Variants in KCNN2 observed in about 807,000 individuals in gnomAD.
The protein encoded by KCNN2 is potassium calcium-activated channel subfamily N member 2, also known as small conductance calcium-activated potassium channel protein 2.
KCNN2 carries 24 observed loss-of-function variants against 55.5 expected under a neutral mutation model. That is an observed-to-expected ratio of 0.43 (90% CI 0.31 to 0.61). The LOEUF is 0.61. KCNN2 is among the 20% of genes least tolerant of loss of function. The pLI, the probability that KCNN2 is intolerant of heterozygous loss-of-function variation, is 0.08. For missense variants in KCNN2, 754 were observed against 853.6 expected (o/e 0.88, Z 1.45); for synonymous variants, 431 against 336.1 (o/e 1.28, Z -3.09).
intron 2 of KCNN2, among the ~76,000 whole-genome samples, chr5:114,285,842 G>A (rs1755734184): frequency 6.6e-6 from 1 of 151,624 alleles, no homozygotes; most frequent in African/African-American, 2.4e-5. Context: ...CAGATAAAGA[G>A]AGATATAAAG....
chr5:114,141,284 C>A (rs1752274021), intron 1 of KCNN2, among the ~76,000 whole-genome samples: 1 of 152,078 alleles, frequency 6.6e-6, no homozygotes, highest in Non-Finnish European at 1.5e-5. Flanking sequence ...TCTGTCTCCC[C>A]CAACCCCACG....
intron 1 of KCNN2, among the ~76,000 whole-genome samples, chr5:114,194,140 G>A (rs190193299): frequency 6.6e-6 from 1 of 151,974 alleles, no homozygotes; most frequent in Non-Finnish European, 1.5e-5. Flanking sequence ...ATTATTCATA[G>A]TACAATAATA....
At chr5:114,406,528 C>A (rs1390814696) in intron 3 of KCNN2, among the ~76,000 whole-genome samples, 1 of 151,302 alleles carries the variant, frequency 6.6e-6, no homozygotes, top group Non-Finnish European at 1.5e-5. Context: ...TTTTCCTTTC[C>A]TGCACAATTT....
chr5:114,472,818 A>G (rs368339489), intron 4 of KCNN2, among the ~76,000 whole-genome samples: 2 of 152,214 alleles, frequency 1.3e-5, no homozygotes, highest in Admixed American at 6.6e-5. Context: ...ATTTCTTAGA[A>G]TGGAAATGTT....
intron 1 of KCNN2, among the ~76,000 whole-genome samples, chr5:114,079,218 T>C (rs1214533861): frequency 6.6e-6 from 1 of 152,202 alleles, no homozygotes; most frequent in African/African-American, 2.4e-5. Context: ...AAAGAGACTT[T>C]TAATGATTTT....
At chr5:114,465,808 T>G (rs1217617764) in intron 4 of KCNN2, among the ~76,000 whole-genome samples, 1 of 152,202 alleles carries the variant, frequency 6.6e-6, no homozygotes, top group African/African-American at 2.4e-5. Flanking sequence ...TTAATTGACT[T>G]GATCAAAATT....
At chr5:114,367,723 T>C (rs1424703683) in intron 2 of KCNN2, among the ~76,000 whole-genome samples, 1 of 151,984 alleles carries the variant, frequency 6.6e-6, no homozygotes, top group Non-Finnish European at 1.5e-5. Flanking sequence ...CAAAACGGAG[T>C]TCAACTATCC....
intron 3 of KCNN2, among the ~76,000 whole-genome samples, chr5:114,461,913 A>AT (rs1390156664): frequency 2.6e-5 from 4 of 152,164 alleles, no homozygotes; most frequent in African/African-American, 9.7e-5. Context: ...GTACCGCGCA[A>AT]TTATCAGTAT....
At chr5:114,331,685 G>A (rs1051471370) in intron 2 of KCNN2, among the ~76,000 whole-genome samples, 3 of 152,184 alleles carry the variant, frequency 2.0e-5, no homozygotes, top group African/African-American at 7.2e-5. Context: ...TCATTAACAA[G>A]TGACCAAGTA....
chr5:114,113,584 C>T (rs1462114889), intron 1 of KCNN2, among the ~76,000 whole-genome samples: 1 of 152,018 alleles, frequency 6.6e-6, no homozygotes, highest in East Asian at 1.9e-4. Context: ...AGAAGTAAAG[C>T]TTCAAAGAAG....
chr5:114,332,723 C>T (rs1276010390), intron 2 of KCNN2, among the ~76,000 whole-genome samples: 1 of 152,168 alleles, frequency 6.6e-6, no homozygotes, highest in Non-Finnish European at 1.5e-5. Flanking sequence ...TTATTGGTTA[C>T]AGGGTGAGGA....
At chr5:114,198,293 G>A (rs1753599121) in intron 1 of KCNN2, among the ~76,000 whole-genome samples, 1 of 148,748 alleles carries the variant, frequency 6.7e-6, no homozygotes, top group Non-Finnish European at 1.5e-5. Flanking sequence ...TAAAAATAAT[G>A]GCAAATACTA....
intron 2 of KCNN2, among the ~76,000 whole-genome samples, chr5:114,335,692 G>A (rs1372227642): frequency 6.6e-6 from 1 of 152,202 alleles, no homozygotes; most frequent in East Asian, 1.9e-4. Flanking sequence ...TAGAATGAAT[G>A]CATGTGTAAA....
At chr5:114,153,200 T>G (rs1179739332) in intron 1 of KCNN2, among the ~76,000 whole-genome samples, 1 of 152,212 alleles carries the variant, frequency 6.6e-6, no homozygotes, top group African/African-American at 2.4e-5. Flanking sequence ...ATATTCATGT[T>G]GTCAGGTCTG....
intron 2 of KCNN2, among the ~76,000 whole-genome samples, chr5:114,223,867 A>C (rs1330509037): frequency 2.6e-5 from 4 of 152,148 alleles, no homozygotes; most frequent in African/African-American, 9.7e-5. Flanking sequence ...AAACCTTTGA[A>C]GAAGGGGGCC....
chr5:114,242,671 GA>G (rs1333074593), intron 2 of KCNN2, among the ~76,000 whole-genome samples: 3 of 152,180 alleles, frequency 2.0e-5, no homozygotes, highest in Non-Finnish European at 4.4e-5. Flanking sequence ...CAGAAGGAAG[GA>G]AGGAAGCAAA....
chr5:114,465,222 G>A (rs1478879052), intron 4 of KCNN2, among the ~76,000 whole-genome samples: 1 of 152,134 alleles, frequency 6.6e-6, no homozygotes, highest in Non-Finnish European at 1.5e-5. Context: ...CTCAAAAACT[G>A]TTCCTTCAAA....
At chr5:114,176,555 G>A (rs1363017796) in intron 1 of KCNN2, among the ~76,000 whole-genome samples, 1 of 152,090 alleles carries the variant, frequency 6.6e-6, no homozygotes, top group East Asian at 1.9e-4. Flanking sequence ...TGAGAGGAAT[G>A]GAGTTGTTTT....
intron 3 of KCNN2, among the ~76,000 whole-genome samples, chr5:114,460,895 A>G (rs550031601): frequency 1.3e-5 from 2 of 152,320 alleles, no homozygotes; most frequent in South Asian, 2.1e-4. Context: ...TTGTCTCACA[A>G]TTAAAAACTG....
Sources: gnomAD v4.1 joint callset for allele counts (sites outside exome capture counted in the v4.1 genomes callset) on GRCh38, gnomAD v4.1.1 for gene constraint, MANE v1.5 for transcripts, NCBI Gene and HGNC (gene_info 2026-07-23, HGNC 2026-07-21) for gene names.